SLC25A15: variants seen among roughly 807,000 people sequenced by gnomAD.
SLC25A15 encodes mitochondrial ornithine transporter 1.
A neutral mutation model predicts 32.3 loss-of-function variants in SLC25A15; 24 were observed. The observed-to-expected ratio is 0.74, with a 90% CI of 0.54 to 1.04. The LOEUF (loss-of-function observed/expected upper bound fraction) is 1.04. Ranked by LOEUF, SLC25A15 falls within the 50% of genes least tolerant of loss-of-function variation. SLC25A15 has a pLI of 0.00. For missense variants in SLC25A15, 317 were observed against 374.5 expected (o/e 0.85, Z 1.27); for synonymous variants, 132 against 142.1 (o/e 0.93, Z 0.51).
At chr13:40,804,975 C>CA in intron 3 of SLC25A15, 143 bp from the exon 4 acceptor site, 1 of 922,198 alleles carries the variant, frequency 1.1e-6, no homozygotes, top group Non-Finnish European at 1.8e-6. Flanking sequence ...CCTCCCACCT[C>CA]AGTCTCCTAA....
At position 40,799,306 on chromosome 13, in the gene SLC25A15, C is replaced by A; in HGVS notation, c.305C>A (p.Ala102Glu). The part of the protein sequence containing the change: ...VRKVAGLDKQ[A>E]KLSDLQNAAA... ...AAAGTGGCTGGATTGGACAAGCAGG[C>A]AAAGCTGAGGTGAGTCAAGGACACA... Residue 102 changes from alanine to glutamate, a missense_variant, in exon 3 of 7, where the codon GCA becomes GAA. Coordinates refer to ENST00000338625, the MANE Select transcript of SLC25A15 (RefSeq NM_014252.4). 1.2e-6 allele frequency: 2 copies of A among 1,614,014 alleles called. No individual in the cohort carries two copies. Among genetic ancestry groups the A allele is most frequent in the Non-Finnish European group, 1.7e-6 (2 of 1,180,016 alleles).
chr13:40,800,477 G>A (rs1461262717), intron 3 of SLC25A15, among the ~76,000 whole-genome samples: 1 of 152,122 alleles, frequency 6.6e-6, no homozygotes, highest in African/African-American at 2.4e-5. Context: ...CTGTAGTTTT[G>A]TTCCCTGTTG....
At chr13:40,790,951 T>C (rs1008198762) in intron 1 of SLC25A15, among the ~76,000 whole-genome samples, 2 of 152,102 alleles carry the variant, frequency 1.3e-5, no homozygotes, top group African/African-American at 2.4e-5. Flanking sequence ...TAGGGACAGA[T>C]AGAATGTAAT....
At chr13:40,794,807 A>G (rs561559372) in intron 2 of SLC25A15, among the ~76,000 whole-genome samples, 1 of 140,454 alleles carries the variant, frequency 7.1e-6, no homozygotes, top group East Asian at 2.1e-4. Context: ...CCCCACCACC[A>G]GCAGATGAGT....
Position 40,810,069 on chromosome 13 carries a change from GA to G in SLC25A15, c.*403del. The G allele has an allele frequency of 3.9e-6, 1 of 253,590 alleles. No individual in the cohort carries two copies. Among genetic ancestry groups the G allele is most frequent in the Non-Finnish European group, 7.7e-6 (1 of 129,280 alleles). 15.7% of individuals were successfully genotyped at this position (253,590 alleles called of 1,614,324 possible). A position where few individuals can be genotyped will look rare whatever the true frequency, so the allele number is the denominator to read the frequency against. ...TCAAATATCAGAAAAACCCAGAGGT[GA>G]TCATTTCTCATGAAGATGCTTATAA... On this transcript the variant is annotated 3_prime_UTR_variant, in exon 7 of 7. Transcript: ENST00000338625.
At position 40,809,682 on chromosome 13, in the gene SLC25A15, C is replaced by T. The variant is rs188641299; in HGVS notation, c.*15C>T. The stretch of plus-strand genomic sequence containing the variant: ...AAGCATACTGAAGTGTCTTGGTGGG[C>T]CTGAGCCAAGCACAGGTGTTTGAGG... On this transcript the variant is annotated 3_prime_UTR_variant, in exon 7 of 7. Transcript: ENST00000338625. 6.4e-5 allele frequency: 103 copies of T among 1,612,572 alleles called. No individual in the cohort carries two copies. The East Asian group carries it at 1.4e-3, about 22-fold the overall frequency.
intron 1 of SLC25A15, among the ~76,000 whole-genome samples, chr13:40,792,277 C>T (rs1326339372): frequency 6.6e-6 from 1 of 152,174 alleles, no homozygotes; most frequent in African/African-American, 2.4e-5. Context: ...TGGATTTGGA[C>T]ACAACGGCCC....
intron 2 of SLC25A15, among the ~76,000 whole-genome samples, chr13:40,798,221 A>G (rs921211868): frequency 2.6e-5 from 4 of 151,134 alleles, no homozygotes; most frequent in Admixed American, 6.6e-5. Context: ...TGGAGTTTGC[A>G]GTGAGCTGAG....
At position 40,810,422 on chromosome 13, in the gene SLC25A15, C is replaced by T. The variant is rs1311392192; in HGVS notation, c.*755C>T. 6.6e-6 allele frequency among the ~76,000 whole-genome samples: 1 copy of T among 152,192 alleles called. No individual in the cohort carries two copies. Among genetic ancestry groups the T allele is most frequent in the African/African-American group, 2.4e-5 (1 of 41,444 alleles). ...AAGTGATCCGCCCACCTCGGCCTCCCAAAGTGCTGGGATTACTGGTGTGAG... is the reference window on the plus strand; with the variant it reads ...AAGTGATCCGCCCACCTCGGCCTCCTAAAGTGCTGGGATTACTGGTGTGAG... On this transcript the variant is annotated 3_prime_UTR_variant, in exon 7 of 7. Transcript: ENST00000338625.
At chr13:40,795,526 C>T (rs939602377) in intron 2 of SLC25A15, among the ~76,000 whole-genome samples, 1 of 152,146 alleles carries the variant, frequency 6.6e-6, no homozygotes, top group African/African-American at 2.4e-5. Flanking sequence ...GACACACTGT[C>T]CCCATCACTG....
chr13:40,808,379 A>T (rs1405441296), intron 5 of SLC25A15, 59 bp from the exon 6 acceptor site: 1 of 1,459,078 alleles, frequency 6.9e-7, no homozygotes, highest in East Asian at 2.3e-5. Context: ...TGACCTCTGG[A>T]AATGTCACAT....
intron 6 of SLC25A15, 57 bp downstream of exon 6, chr13:40,808,653 G>T: frequency 6.6e-7 from 1 of 1,525,806 alleles, no homozygotes; most frequent in Non-Finnish European, 8.9e-7. Context: ...TGAGATACGG[G>T]CCGGGCGTGG....
rs1440190834 is a variant in SLC25A15, at chr13:40,807,402, C to T, written c.561C>T (p.Phe187=). ...LLREVPGYFF[F]FGGYELSRSF... ...GAGAAGTACCAGGCTATTTCTTCTT[C>T]TTCGGTGGCTATGAACTGAGCCGGT... The change falls in exon 5 of 7, where the codon TTC becomes TTT. Residue 187 remains phenylalanine, a synonymous_variant. Transcript: ENST00000338625. The T allele has an allele frequency of 6.2e-7, 1 of 1,614,186 alleles. No homozygotes were observed. The highest frequency in any genetic ancestry group is 1.7e-5 in the Admixed American group (1 of 60,018).
chr13:40,811,428 G>A lies in SLC25A15; in HGVS notation c.*1761G>A, dbSNP rs1882445666. Among the ~76,000 whole-genome samples, 1 of 152,176 alleles carries A rather than the reference G, an allele frequency of 6.6e-6. No individual in the cohort carries two copies. Among genetic ancestry groups the A allele is most frequent in the Admixed American group, 6.5e-5 (1 of 15,292 alleles). ...CGCTTGAACCCGGGAGGCAGAGGTT[G>A]CAGTGAACTGAGATTGTGCCACTGC... On this transcript the variant is annotated 3_prime_UTR_variant, in exon 7 of 7. Transcript: ENST00000338625.
rs868826961 is a variant in SLC25A15 at position 40,809,443 on chromosome 13, G to A, written c.782-100G>A. 2.8e-5 allele frequency: 41 copies of A among 1,456,742 alleles called. No homozygotes were observed. The Middle Eastern group carries it at 9.7e-4, about 35-fold the overall frequency. 90.2% of individuals were successfully genotyped at this position (1,456,742 alleles called of 1,614,324 possible). A position where few individuals can be genotyped will look rare whatever the true frequency, so the allele number is the denominator to read the frequency against. On this transcript the variant is annotated intron_variant, in intron 6 of 6. Coordinates refer to ENST00000338625, the MANE Select transcript of SLC25A15 (RefSeq NM_014252.4). ...TGACTTGTTGGTTTTTAGCACTGTT[G>A]TCTGGGTTTGCATGTGTAAATATAC... is the stretch of plus-strand genomic sequence containing the variant.
intron 2 of SLC25A15, among the ~76,000 whole-genome samples, chr13:40,798,395 T>C (rs995604189): frequency 9.2e-5 from 14 of 152,332 alleles, no homozygotes; most frequent in African/African-American, 3.4e-4. Flanking sequence ...TCTATTTACA[T>C]ACACGTTATT....
rs80201309 is a variant in SLC25A15, at chr13:40,797,737, C to T, written c.56-1320C>T. ...AGAATTATTCTTAATGTCCCTTCCCCCAACTCCACTTTCCAGAGTTTAGAT... is the reference window on the plus strand; with the variant it reads ...AGAATTATTCTTAATGTCCCTTCCCTCAACTCCACTTTCCAGAGTTTAGAT... On this transcript the variant is annotated intron_variant, in intron 2 of 6. Transcript: ENST00000338625. 3.5e-3 allele frequency among the ~76,000 whole-genome samples: 540 copies of T among 152,288 alleles called. 2 individuals carry two copies. Among genetic ancestry groups the T allele is most frequent in the Middle Eastern group, 0.01 (3 of 294 alleles).
intron 2 of SLC25A15, among the ~76,000 whole-genome samples, chr13:40,797,086 G>A (rs1179153322): frequency 6.6e-6 from 1 of 152,072 alleles, no homozygotes; most frequent in Non-Finnish European, 1.5e-5. Context: ...TGGTACTGGT[G>A]TTCAGAACAG....
rs996736190 is a variant in SLC25A15 at position 40,811,858 on chromosome 13, C to T, written c.*2191C>T. On this transcript the variant is annotated 3_prime_UTR_variant, in exon 7 of 7. Coordinates refer to ENST00000338625, the MANE Select transcript of SLC25A15 (RefSeq NM_014252.4). ...CCAGGTTCCTTAAGCTTTTTGCTGT[C>T]CATGAATCCTCTGTGGCAACTGTAA... Among the ~76,000 whole-genome samples, 21 of 152,134 alleles carry T rather than the reference C, an allele frequency of 1.4e-4. No homozygotes were observed. Among genetic ancestry groups the T allele is most frequent in the Non-Finnish European group, 2.8e-4 (19 of 68,030 alleles).
Sources: allele counts gnomAD v4.1 joint callset (sites outside exome capture counted in the v4.1 genomes callset), GRCh38; gene constraint gnomAD v4.1.1; transcripts MANE v1.5; gene names NCBI Gene and HGNC (gene_info 2026-07-23, HGNC 2026-07-21).